The following KLHL20 variants were observed in gnomAD, a reference collection of about 807,000 sequenced individuals.
KLHL20 encodes kelch-like protein 20.
A neutral mutation model predicts 69.5 loss-of-function variants in KLHL20; 29 were observed. The observed-to-expected ratio is 0.42, with a 90% CI of 0.31 to 0.57. KLHL20 has a LOEUF of 0.57. Among genes scored for constraint, KLHL20 ranks in the 20% least tolerant of loss-of-function variants. KLHL20 has a pLI of 0.18. For missense variants in KLHL20, 419 were observed against 776.0 expected (o/e 0.54, Z 5.47); for synonymous variants, 253 against 265.2 (o/e 0.95, Z 0.45).
intron 3 of KLHL20, among the ~76,000 whole-genome samples, chr1:173,745,963 CA>C (rs951092591): frequency 8.1e-4 from 113 of 140,350 alleles, no homozygotes; most frequent in African/African-American, 1.1e-3. Flanking sequence ...ACTTTGTCTC[CA>C]AAAAAAAAAA....
Position 173,782,198 on chromosome 1 carries a change from A to G in KLHL20, c.1713A>G (p.Ile571Met), listed in dbSNP as rs1320524961. The change falls in exon 11 of 12, where the codon ATA becomes ATG. Residue 571 changes from isoleucine (I) to methionine (M), a missense_variant. Around this residue, in one of 6 missense-constraint regions of KLHL20, gnomAD observed 79 missense variants for 154.4 expected, o/e 0.51. Coordinates refer to ENST00000209884, the MANE Select transcript of KLHL20 (RefSeq NM_014458.4). Reference sequence around the variant, plus strand: ...ATGGCACAACATACTTGAAGACCATAGAAGTTTTTGATCCTGATGCCAATA... The same window carrying G: ...ATGGCACAACATACTTGAAGACCATGGAAGTTTTTGATCCTGATGCCAATA... ...GFDGTTYLKT[I>M]EVFDPDANTW... The G allele has an allele frequency of 6.2e-7, 1 of 1,613,926 alleles. No homozygotes were observed. The highest frequency in any genetic ancestry group is 1.3e-5 in the African/African-American group (1 of 74,926).
At chr1:173,727,268 G>A (rs887878096) in intron 2 of KLHL20, among the ~76,000 whole-genome samples, 8 of 152,050 alleles carry the variant, frequency 5.3e-5, no homozygotes, top group African/African-American at 4.8e-5. Context: ...CCAAATCTAC[G>A]TCTGATTGGT....
At chr1:173,747,474 C>T (rs1673115662) in intron 3 of KLHL20, among the ~76,000 whole-genome samples, 1 of 151,954 alleles carries the variant, frequency 6.6e-6, no homozygotes, top group Non-Finnish European at 1.5e-5. Flanking sequence ...AACTCGTTTT[C>T]TTATTGTTTC....
At chr1:173,775,072 A>C (rs1218831265) in intron 9 of KLHL20, among the ~76,000 whole-genome samples, 1 of 152,130 alleles carries the variant, frequency 6.6e-6, no homozygotes, top group Non-Finnish European at 1.5e-5. Context: ...CAGCCTCCTA[A>C]AGTGCTGGAA....
chr1:173,738,281 G>A (rs1274097286), intron 3 of KLHL20, among the ~76,000 whole-genome samples: 1 of 152,020 alleles, frequency 6.6e-6, no homozygotes, highest in Admixed American at 6.6e-5. Context: ...CGATCCTCCC[G>A]CCTCAGCCCC....
chr1:173,757,318 G>C (rs1318594845), intron 7 of KLHL20, among the ~76,000 whole-genome samples, 159 bp downstream of exon 7: 1 of 152,036 alleles, frequency 6.6e-6, no homozygotes, highest in East Asian at 1.9e-4. Context: ...TTTATGATCT[G>C]GTCTCCGCCT....
chr1:173,774,843 C>A (rs973491370), intron 9 of KLHL20, among the ~76,000 whole-genome samples: 1 of 152,138 alleles, frequency 6.6e-6, no homozygotes, highest in Non-Finnish European at 1.5e-5. Context: ...CAGGGTCTCG[C>A]TCTGTCACCC....
intron 3 of KLHL20, among the ~76,000 whole-genome samples, chr1:173,745,907 G>A (rs1023932408): frequency 6.6e-6 from 1 of 152,004 alleles, no homozygotes; most frequent in African/African-American, 2.4e-5. Flanking sequence ...AGGTTGCAGT[G>A]AGCTGAGACT....
intron 2 of KLHL20, among the ~76,000 whole-genome samples, chr1:173,719,379 G>C (rs1426649482): frequency 6.6e-6 from 1 of 152,102 alleles, no homozygotes; most frequent in East Asian, 1.9e-4. Context: ...TTGGGAGGCT[G>C]AGGCGGGCAG....
chr1:173,777,888 T>G (rs904899919), intron 10 of KLHL20, among the ~76,000 whole-genome samples: 1 of 152,146 alleles, frequency 6.6e-6, no homozygotes, highest in Admixed American at 6.6e-5. Flanking sequence ...TTGATGTGTC[T>G]TTGTCTGGTT....
chr1:173,782,751 C>G (rs1373490238), intron 11 of KLHL20, among the ~76,000 whole-genome samples: 3 of 152,178 alleles, frequency 2.0e-5, no homozygotes, highest in Admixed American at 6.5e-5. Context: ...GAGAGCTTAA[C>G]TTAAACTTCA....
chr1:173,760,771 G>A (rs1012939441), intron 7 of KLHL20, among the ~76,000 whole-genome samples: 4 of 152,148 alleles, frequency 2.6e-5, no homozygotes, highest in African/African-American at 7.2e-5. Flanking sequence ...CCTCTTTAAA[G>A]CATAAATCAC....
In KLHL20 at chr1:173,786,226, A is replaced by T. The variant is rs1649195436; in HGVS notation, c.*979A>T. The stretch of plus-strand genomic sequence containing the variant: ...CAGCCTCCAAGGGAATGAATTATTC[A>T]GTTAATGTAATAGCACACATTAAAG... On this transcript the variant is annotated 3_prime_UTR_variant, in exon 12 of 12. Coordinates refer to ENST00000209884, the MANE Select transcript of KLHL20 (RefSeq NM_014458.4). 1 of 152,640 alleles carries T rather than the reference A, an allele frequency of 6.6e-6. No individual in the cohort carries two copies. Among genetic ancestry groups the T allele is most frequent in the Non-Finnish European group, 1.5e-5 (1 of 68,040 alleles). 9.5% of individuals were successfully genotyped at this position (152,640 alleles called of 1,614,324 possible).
rs752154533 is a variant in KLHL20 at position 173,774,368 on chromosome 1, G to A, written c.1359G>A (p.Val453=). The part of the protein sequence containing the change: ...VASMSTRRLG[V]AVAVLGGFLY... The stretch of plus-strand genomic sequence containing the variant: ...CTATGAGTACCAGAAGACTAGGTGT[G>A]GCTGTGGCTGTGTTAGGAGGGTTCT... Residue 453 remains valine, a synonymous_variant, in exon 9 of 12, where the codon GTG becomes GTA. Transcript: ENST00000209884. The A allele has an allele frequency of 2.5e-6, 4 of 1,614,136 alleles. No individual in the cohort carries two copies. The Admixed American group carries it at 6.7e-5, about 27-fold the overall frequency.
intron 6 of KLHL20, among the ~76,000 whole-genome samples, chr1:173,756,318 G>A (rs182431281): frequency 4.6e-5 from 7 of 152,272 alleles, no homozygotes; most frequent in Non-Finnish European, 7.4e-5. Flanking sequence ...CTGGAGGCCA[G>A]GCGTTTGAGA....
At chr1:173,755,668 T>C (rs1673520621) in intron 5 of KLHL20, among the ~76,000 whole-genome samples, 1 of 152,234 alleles carries the variant, frequency 6.6e-6, no homozygotes, top group African/African-American at 2.4e-5. Flanking sequence ...TATTGTTGGC[T>C]GTAAGCATGT....
chr1:173,752,134 C>G (rs924612976), intron 4 of KLHL20, among the ~76,000 whole-genome samples: 1 of 151,172 alleles, frequency 6.6e-6, no homozygotes, highest in African/African-American at 2.4e-5. Flanking sequence ...TACTTGGGAG[C>G]GTGAGGCAGG....
chr1:173,758,796 C>T (rs538160910), intron 7 of KLHL20, among the ~76,000 whole-genome samples: 3 of 152,308 alleles, frequency 2.0e-5, no homozygotes, highest in South Asian at 4.1e-4. Flanking sequence ...GCCAGAGGAG[C>T]AGGGGATAAA....
chr1:173,753,911 A>G (rs183292434), intron 5 of KLHL20, among the ~76,000 whole-genome samples: 1 of 152,364 alleles, frequency 6.6e-6, no homozygotes, highest in East Asian at 1.9e-4. Flanking sequence ...GTAATAAATT[A>G]CATTCCCAAT....
Sources: gnomAD v4.1 joint callset for allele counts (sites outside exome capture counted in the v4.1 genomes callset) on GRCh38, gnomAD v4.1.1 for gene constraint, gnomAD v4.1.1 regional missense constraint, MANE v1.5 for transcripts, NCBI Gene and HGNC (gene_info 2026-07-23, HGNC 2026-07-21) for gene names.